Variants in CSMD1 observed in about 807,000 individuals in gnomAD.
The protein encoded by CSMD1 is CUB and sushi domain-containing protein 1.
CSMD1 carries 213 observed loss-of-function variants against 417.5 expected under a neutral mutation model. The observed-to-expected ratio is 0.51, with a 90% CI of 0.46 to 0.57. The LOEUF (loss-of-function observed/expected upper bound fraction) is 0.57, where lower values mean the gene tolerates loss of function less well. CSMD1 is among the 20% of genes least tolerant of loss of function. The pLI, the probability that CSMD1 is intolerant of heterozygous loss-of-function variation, is 0.00. For missense variants in CSMD1, 6,923 were observed against 4,529.7 expected (o/e 1.53, Z -15.17); for synonymous variants, 2,862 against 1,736.8 (o/e 1.65, Z -16.11).
In CSMD1 at chr8:4,200,611, C is replaced by T. The variant is rs184183632; in HGVS notation, c.416-168512G>A. On this transcript the variant is annotated intron_variant, in intron 3 of 69. Transcript: ENST00000635120. ...GAGGCTCATGCCTGAAATCCCAGCA[C>T]TTTGTAGGCTGAGGTGGGAGGATTT... Among the ~76,000 whole-genome samples the T allele has an allele frequency of 2.0e-3, 300 of 152,290 alleles. 1 individual carries two copies. The highest frequency in any genetic ancestry group is 7.0e-3 in the African/African-American group (292 of 41,560).
intron 6 of CSMD1, among the ~76,000 whole-genome samples, chr8:3,726,004 T>C (rs1802474585): frequency 6.6e-6 from 1 of 152,164 alleles, no homozygotes; most frequent in Non-Finnish European, 1.5e-5. Flanking sequence ...ACCGGGTCAC[T>C]GCAAGTTCCT....
At chr8:2,978,940 A>G (rs1805170215) in intron 54 of CSMD1, 140 bp from the exon 55 acceptor site, 1 of 719,686 alleles carries the variant, frequency 1.4e-6, no homozygotes, top group African/African-American at 1.8e-5. Flanking sequence ...ATGAAATTCC[A>G]CTCTCACGAT....
At chr8:4,192,199 A>T (rs73658451) in intron 3 of CSMD1, among the ~76,000 whole-genome samples, 4,259 of 152,284 alleles carry the variant, frequency 0.028, 215 homozygotes, top group African/African-American at 0.097. Context: ...TTAAAAATCA[A>T]AGTTAAAACA....
In CSMD1 at chr8:3,214,620, G is replaced by C; in HGVS notation, c.4744C>G (p.Leu1582Val). 1 of 1,557,868 alleles carries C rather than the reference G, an allele frequency of 6.4e-7. No individual in the cohort carries two copies. Among genetic ancestry groups the C allele is most frequent in the Non-Finnish European group, 8.7e-7 (1 of 1,150,268 alleles). Residue 1582 changes from leucine to valine, a missense_variant, in exon 30 of 70, where the codon CTT becomes GTT. Coordinates refer to ENST00000635120, the MANE Select transcript of CSMD1 (RefSeq NM_033225.6). ...NGTRVGTDFK[L>V]GSTITYQCDS... ...CACTGGTAGGTGATGGTGGAGCCAAGCTTGAAGTCTGTTCCAACTCTTGTC... is the reference window on the plus strand; with the variant it reads ...CACTGGTAGGTGATGGTGGAGCCAACCTTGAAGTCTGTTCCAACTCTTGTC...
chr8:4,580,506 G>A (rs1799361534), intron 2 of CSMD1, among the ~76,000 whole-genome samples: 1 of 152,182 alleles, frequency 6.6e-6, no homozygotes, highest in Non-Finnish European at 1.5e-5. Flanking sequence ...AATATCATGA[G>A]GTTCTGGCTC....
At chr8:3,356,217 C>T (rs986781779) in intron 21 of CSMD1, among the ~76,000 whole-genome samples, 2 of 152,138 alleles carry the variant, frequency 1.3e-5, no homozygotes, top group African/African-American at 4.8e-5. Flanking sequence ...ATTTTTATTT[C>T]TATAATTTTA....
chr8:4,298,973 G>C (rs1234934579), intron 3 of CSMD1, among the ~76,000 whole-genome samples: 2 of 151,886 alleles, frequency 1.3e-5, no homozygotes, highest in Admixed American at 6.6e-5. Context: ...ATAGAACAAT[G>C]AAAGTGTTGC....
intron 3 of CSMD1, among the ~76,000 whole-genome samples, chr8:4,034,907 A>G (rs183438594): frequency 8.2e-4 from 125 of 152,344 alleles, no homozygotes; most frequent in African/African-American, 2.8e-3. Context: ...GATAACCACA[A>G]TGACCAGTCA....
At chr8:3,062,370 A>G (rs762017145) in intron 49 of CSMD1, among the ~76,000 whole-genome samples, 3 of 152,148 alleles carry the variant, frequency 2.0e-5, no homozygotes, top group Non-Finnish European at 4.4e-5. Context: ...GCTTTTCTTT[A>G]CTATGTGTAG....
intron 2 of CSMD1, among the ~76,000 whole-genome samples, chr8:4,559,017 T>C (rs894975465): frequency 6.6e-6 from 1 of 152,198 alleles, no homozygotes; most frequent in South Asian, 2.1e-4. Flanking sequence ...ACATTCATCG[T>C]AGAGTTCTTT....
intron 1 of CSMD1, among the ~76,000 whole-genome samples, chr8:4,807,702 T>C (rs953006581): frequency 5.3e-5 from 8 of 152,182 alleles, no homozygotes; most frequent in East Asian, 1.9e-4. Context: ...TGTTTTCTTA[T>C]ATGTTAAACT....
chr8:3,900,866 A>G (rs1323958652), intron 5 of CSMD1, among the ~76,000 whole-genome samples: 2 of 152,228 alleles, frequency 1.3e-5, no homozygotes, highest in Non-Finnish European at 2.9e-5. Context: ...TTTTTCAGCC[A>G]GCTGCATGCC....
At chr8:4,383,136 T>G (rs953605768) in intron 3 of CSMD1, among the ~76,000 whole-genome samples, 1 of 152,154 alleles carries the variant, frequency 6.6e-6, no homozygotes, top group African/African-American at 2.4e-5. Flanking sequence ...ACTAAGCAAC[T>G]TGATGATTTG....
chr8:4,243,463 T>G (rs1409319694), intron 3 of CSMD1, among the ~76,000 whole-genome samples: 3 of 152,172 alleles, frequency 2.0e-5, no homozygotes, highest in Non-Finnish European at 2.9e-5. Flanking sequence ...AGATTCGGCT[T>G]CTAGCCAGTA....
At chr8:3,127,008 G>C (rs377161302) in intron 41 of CSMD1, among the ~76,000 whole-genome samples, 4 of 152,302 alleles carry the variant, frequency 2.6e-5, no homozygotes, top group South Asian at 4.1e-4. Flanking sequence ...GAGAAGGTGA[G>C]AGTGTTGCTT....
At chr8:3,325,567 T>G (rs537700298) in intron 23 of CSMD1, among the ~76,000 whole-genome samples, 1 of 152,204 alleles carries the variant, frequency 6.6e-6, no homozygotes, top group Non-Finnish European at 1.5e-5. Flanking sequence ...CTCACGCCTG[T>G]AATCCCAGCA....
At chr8:4,925,143 C>A (rs145522971) in intron 1 of CSMD1, among the ~76,000 whole-genome samples, 12 of 150,028 alleles carry the variant, frequency 8.0e-5, no homozygotes, top group Non-Finnish European at 1.2e-4. Context: ...AGTCCCTGAG[C>A]AGCAGACACA....
chr8:3,975,215 G>A (rs961178717), intron 5 of CSMD1, among the ~76,000 whole-genome samples: 1 of 152,088 alleles, frequency 6.6e-6, no homozygotes, highest in Non-Finnish European at 1.5e-5. Flanking sequence ...TTACATAATT[G>A]ATTACTTGGT....
intron 48 of CSMD1, among the ~76,000 whole-genome samples, chr8:3,088,075 T>A (rs191547670): frequency 6.6e-6 from 1 of 152,342 alleles, no homozygotes; most frequent in Admixed American, 6.5e-5. Context: ...AGAAAATGCA[T>A]TCTCTTGAGT....
Sources: gnomAD v4.1 joint callset for allele counts (sites outside exome capture counted in the v4.1 genomes callset) on GRCh38, gnomAD v4.1.1 for gene constraint, MANE v1.5 for transcripts, NCBI Gene and HGNC (gene_info 2026-07-23, HGNC 2026-07-21) for gene names.